Variants in FHIT observed in about 807,000 individuals in gnomAD.
FHIT encodes the protein bis(5'-adenosyl)-triphosphatase.
In FHIT, 19 loss-of-function variants were observed where a neutral mutation model predicts 17.9. The ratio of observed to expected loss-of-function variants is 1.06; its 90% CI spans 0.74 to 1.56. The LOEUF (loss-of-function observed/expected upper bound fraction) is 1.56, where lower values mean the gene tolerates loss of function less well. Ranked by LOEUF, FHIT falls within the 40% of genes most tolerant of loss-of-function variation. The pLI is 0.00. For missense variants in FHIT, 248 were observed against 189.2 expected, an observed-to-expected ratio of 1.31 and a Z score of -1.82; for synonymous variants, 81 against 69.7, an observed-to-expected ratio of 1.16 and a Z score of -0.81.
In FHIT at chr3:60,681,855, G is replaced by A. The variant is rs551164218; in HGVS notation, c.-18+140064C>T. Reference sequence around the variant, plus strand: ...GAGGCTGATTCATGAGGTTCAAGGAGAGAAGCCATCTCCAGAACATAAAAG... The same window carrying A: ...GAGGCTGATTCATGAGGTTCAAGGAAAGAAGCCATCTCCAGAACATAAAAG... On this transcript the variant is annotated intron_variant, in intron 4 of 9. Transcript: ENST00000492590. 1.9e-4 allele frequency among the ~76,000 whole-genome samples: 29 copies of A among 152,302 alleles called. No individual in the cohort carries two copies. The South Asian group carries it at 4.8e-3, about 25-fold the overall frequency.
chr3:60,806,218 C>T (rs1701380552), intron 4 of FHIT, among the ~76,000 whole-genome samples: 1 of 152,150 alleles, frequency 6.6e-6, no homozygotes, highest in South Asian at 2.1e-4. Flanking sequence ...TTGCTTCTCT[C>T]TTAGAGGCAG....
intron 5 of FHIT, among the ~76,000 whole-genome samples, chr3:60,130,813 G>GTGTGTGTATATACACACATATA (rs1699527705): frequency 1.3e-5 from 2 of 149,396 alleles, no homozygotes; most frequent in African/African-American, 4.9e-5. Context: ...ATATATGTGT[G>GTGTGTGTATATACACACATATA]TATGTGTGTA....
At chr3:60,851,557 CT>C in intron 3 of FHIT, among the ~76,000 whole-genome samples, 1 of 152,246 alleles carries the variant, frequency 6.6e-6, no homozygotes, top group Admixed American at 6.5e-5. Context: ...CCTACTCTCA[CT>C]TTTTTGGCCA....
chr3:59,900,361 C>T (rs1704272267), intron 8 of FHIT, among the ~76,000 whole-genome samples: 2 of 152,202 alleles, frequency 1.3e-5, no homozygotes, highest in Admixed American at 6.5e-5. Flanking sequence ...GATGTATTGG[C>T]TCCTCTGACT....
At chr3:60,819,615 C>T (rs371261400) in intron 4 of FHIT, among the ~76,000 whole-genome samples, 24 of 152,298 alleles carry the variant, frequency 1.6e-4, no homozygotes, top group African/African-American at 4.6e-4. Flanking sequence ...ATCATTATGG[C>T]TTCCACTTCT....
intron 7 of FHIT, among the ~76,000 whole-genome samples, chr3:59,996,307 AC>A (rs2107487236): frequency 6.6e-6 from 1 of 152,184 alleles, no homozygotes; most frequent in East Asian, 1.9e-4. Flanking sequence ...CATTTTGCAA[AC>A]ATGGGTAGAA....
chr3:60,474,128 C>T (rs1024446746), intron 5 of FHIT, among the ~76,000 whole-genome samples: 3 of 152,158 alleles, frequency 2.0e-5, no homozygotes, highest in Non-Finnish European at 2.9e-5. Context: ...GCTTACCCAG[C>T]AATCAAGGAA....
At chr3:59,906,472 CAGCA>C (rs1265800926) in intron 8 of FHIT, among the ~76,000 whole-genome samples, 7 of 152,186 alleles carry the variant, frequency 4.6e-5, no homozygotes, top group African/African-American at 1.7e-4. Context: ...TCCAGAACCA[CAGCA>C]TGTAGACCCC....
rs577328967 is a variant in FHIT at position 60,603,355 on chromosome 3, T to C, written c.-17-66376A>G. ...CAGGTAAAATTAAATTTAACATCTTTATTGATAAAGCAGATATATTATGAT... is the reference window on the plus strand; with the variant it reads ...CAGGTAAAATTAAATTTAACATCTTCATTGATAAAGCAGATATATTATGAT... On this transcript the variant is annotated intron_variant, in intron 4 of 9. Coordinates refer to ENST00000492590, the MANE Select transcript of FHIT (RefSeq NM_002012.4). Among the ~76,000 whole-genome samples the C allele has an allele frequency of 2.6e-5, 4 of 151,826 alleles. 1 individual carries two copies. The South Asian group carries it at 8.3e-4, about 32-fold the overall frequency.
intron 2 of FHIT, among the ~76,000 whole-genome samples, chr3:61,058,455 C>T (rs2034304837): frequency 6.6e-6 from 1 of 152,134 alleles, no homozygotes; most frequent in African/African-American, 2.4e-5. Context: ...AATCTCATGT[C>T]AAATTGTAAT....
At chr3:60,215,980 T>C (rs1703677873) in intron 5 of FHIT, among the ~76,000 whole-genome samples, 1 of 152,198 alleles carries the variant, frequency 6.6e-6, no homozygotes, top group Admixed American at 6.5e-5. Flanking sequence ...CTCCAAGTAT[T>C]TGGCACATGT....
At chr3:61,036,408 CTA>C (rs2033241482) in intron 3 of FHIT, among the ~76,000 whole-genome samples, 1 of 152,050 alleles carries the variant, frequency 6.6e-6, no homozygotes, top group Non-Finnish European at 1.5e-5. Context: ...AACATCCAAA[CTA>C]TATCACTAAC....
At chr3:60,137,651 A>C (rs1019676280) in intron 5 of FHIT, among the ~76,000 whole-genome samples, 1 of 152,186 alleles carries the variant, frequency 6.6e-6, no homozygotes, top group South Asian at 2.1e-4. Context: ...ACAATACCTG[A>C]AACTCTGTTA....
At position 59,747,720 on chromosome 3, in the gene FHIT, A is replaced by T. The variant is rs911273421; in HGVS notation, c.*1865T>A. On this transcript the variant is annotated 3_prime_UTR_variant, in exon 10 of 10. Transcript: ENST00000492590. Reference sequence around the variant, plus strand: ...TGTCAGAGGCAAGCACTGAGATTTGACCCATCAGCCCTAGGGAAGCTGACT... The same window carrying T: ...TGTCAGAGGCAAGCACTGAGATTTGTCCCATCAGCCCTAGGGAAGCTGACT... Among the ~76,000 whole-genome samples the T allele has an allele frequency of 1.3e-5, 2 of 151,598 alleles. No homozygotes were observed. The highest frequency in any genetic ancestry group is 4.8e-5 in the African/African-American group (2 of 41,278).
chr3:60,923,994 G>A (rs958009611), intron 3 of FHIT, among the ~76,000 whole-genome samples: 6 of 152,152 alleles, frequency 3.9e-5, no homozygotes, highest in African/African-American at 9.7e-5. Flanking sequence ...AGTGTAAGGC[G>A]GCAGCGAGGC....
rs187211220 is a variant in FHIT, at chr3:60,013,600, A to G, written c.249+407T>C. 2.6e-5 allele frequency among the ~76,000 whole-genome samples: 4 copies of G among 152,326 alleles called. No individual in the cohort carries two copies. The East Asian group carries it at 5.8e-4, about 22-fold the overall frequency. On this transcript the variant is annotated intron_variant, in intron 6 of 9. Transcript: ENST00000492590. Reference sequence around the variant, plus strand: ...TCTCTGCATCTTGAATTAAAGACAGACAAAAGGTAAGGCCCAACCTAAGCT... The same window carrying G: ...TCTCTGCATCTTGAATTAAAGACAGGCAAAAGGTAAGGCCCAACCTAAGCT...
chr3:61,208,893 T>C (rs2039350600), intron 1 of FHIT, among the ~76,000 whole-genome samples: 1 of 152,078 alleles, frequency 6.6e-6, no homozygotes, highest in Admixed American at 6.6e-5. Context: ...CATTAGTTGA[T>C]GTGGTTTCTT....
rs560616656 is a variant in FHIT, at chr3:59,981,882, T to C, written c.279+29489A>G. Among the ~76,000 whole-genome samples, 13 of 152,142 alleles carry C rather than the reference T, an allele frequency of 8.5e-5. No homozygotes were observed. The East Asian group carries it at 2.1e-3, about 25-fold the overall frequency. The stretch of plus-strand genomic sequence containing the variant: ...GTTAATTTAAAATTGTATTTTATGA[T>C]AGAGAACAAAAATATCCCACAGGAT... On this transcript the variant is annotated intron_variant, in intron 7 of 9. Coordinates refer to ENST00000492590, the MANE Select transcript of FHIT (RefSeq NM_002012.4).
intron 5 of FHIT, among the ~76,000 whole-genome samples, chr3:60,440,138 A>G (rs773733270): frequency 9.2e-5 from 14 of 152,022 alleles, no homozygotes; most frequent in Non-Finnish European, 1.6e-4. Context: ...TTCTTAAATC[A>G]CTGAATGGTT....
Sources: gnomAD v4.1 joint callset for allele counts (sites outside exome capture counted in the v4.1 genomes callset) on GRCh38, gnomAD v4.1.1 for gene constraint, MANE v1.5 for transcripts, NCBI Gene and HGNC (gene_info 2026-07-23, HGNC 2026-07-21) for gene names.